SPATA2L: variants seen among roughly 807,000 people sequenced by gnomAD.
SPATA2L encodes the protein spermatogenesis-associated protein 2-like protein.
SPATA2L carries 5 observed loss-of-function variants against 8.7 expected under a neutral mutation model. The ratio of observed to expected loss-of-function variants is 0.57; its 90% confidence interval spans 0.30 to 1.21. The LOEUF (loss-of-function observed/expected upper bound fraction) is 1.21, where lower values mean the gene tolerates loss of function less well. Ranked by LOEUF, SPATA2L falls within the 50% of genes most tolerant of loss-of-function variation. The pLI is 0.07. For synonymous variants in SPATA2L, 358 were observed against 275.8 expected, an observed-to-expected ratio of 1.30 and a Z score of -2.95; for missense variants, 671 against 591.0, an observed-to-expected ratio of 1.14 and a Z score of -1.40.
At chr16:89,700,192 GC>G (rs1485650201) in intron 2 of SPATA2L, among the ~76,000 whole-genome samples, 3 of 152,312 alleles carry the variant, frequency 2.0e-5, no homozygotes, top group Non-Finnish European at 4.4e-5. Flanking sequence ...CCCCCGCCCC[GC>G]CCCCTGGGAG....
chr16:89,696,393 C>T lies in SPATA2L; in HGVS notation c.*941G>A, dbSNP rs371350963. The T allele has an allele frequency of 8.6e-6, 2 of 231,862 alleles. No homozygotes were observed. Among genetic ancestry groups the T allele is most frequent in the Non-Finnish European group, 8.5e-6 (1 of 118,230 alleles). 14.4% of individuals were successfully genotyped at this position (231,862 alleles called of 1,614,324 possible). Reference sequence around the variant, plus strand: ...GCGTTTAATGTGCTCTGATGTTGACCGTCCCTCTGAGTGTTCTGGGGAGGA... The same window carrying T: ...GCGTTTAATGTGCTCTGATGTTGACTGTCCCTCTGAGTGTTCTGGGGAGGA... On this transcript the variant is annotated 3_prime_UTR_variant, in exon 3 of 3. Transcript: ENST00000289805.
Position 89,697,357 on chromosome 16 carries a change from T to C in SPATA2L, c.1252A>G (p.Asn418Asp). 1 of 1,537,310 alleles carries C rather than the reference T, an allele frequency of 6.5e-7. No homozygotes were observed. Among genetic ancestry groups the C allele is most frequent in the Non-Finnish European group, 8.8e-7 (1 of 1,139,984 alleles). Residue 418 changes from asparagine (N) to aspartate (D), a missense_variant, in exon 3 of 3, where the codon AAC becomes GAC. By Grantham distance (23) the Asn-to-Asp change is conservative. Coordinates refer to ENST00000289805, the MANE Select transcript of SPATA2L (RefSeq NM_152339.4). ...QRAQMDTLLY[N>D]SPGARP is the part of the protein sequence containing the mutation. ...GCCTAGGGCCGGGCCCCGGGGCTGTTGTAGAGCAGAGTGTCCATCTGTGCA... is the reference window on the plus strand; with the variant it reads ...GCCTAGGGCCGGGCCCCGGGGCTGTCGTAGAGCAGAGTGTCCATCTGTGCA...
At chr16:89,699,970 G>T (rs1404513927) in intron 2 of SPATA2L, among the ~76,000 whole-genome samples, 3 of 152,226 alleles carry the variant, frequency 2.0e-5, no homozygotes, top group Admixed American at 2.0e-4. Flanking sequence ...CTAATGCCTG[G>T]ACACGGCCCA....
Position 89,697,544 on chromosome 16 carries a change from G to T in SPATA2L, c.1065C>A (p.Tyr355Ter). The change falls in exon 3 of 3, where the codon TAC (tyrosine) becomes TAA (stop). Residue 355 changes from tyrosine (Y) to a stop codon, truncating the protein, a stop_gained. Coordinates refer to ENST00000289805, the MANE Select transcript of SPATA2L (RefSeq NM_152339.4). LOFTEE classifies it low-confidence loss of function (END_TRUNC). The part of the protein sequence containing the change: ...AYRSVSEPPG[Y>*]QAHSCLSPGA... ...CAGGGGACAGGCAGCTGTGTGCCTG[G>T]TAGCCTGGGGGCTCCGAGACAGACC... is the stretch of plus-strand genomic sequence containing the variant. 1 of 1,591,988 alleles carries T rather than the reference G, an allele frequency of 6.3e-7. No individual in the cohort carries two copies. Among genetic ancestry groups the T allele is most frequent in the East Asian group, 2.2e-5 (1 of 44,522 alleles).
chr16:89,697,705 G>A lies in SPATA2L; in HGVS notation c.904C>T (p.Pro302Ser), dbSNP rs757182168. The A allele has an allele frequency of 1.9e-6, 3 of 1,612,024 alleles. No homozygotes were observed. The South Asian group carries it at 3.3e-5, about 18-fold the overall frequency. ...AGGAAGGAGAAGGCGGAAGGTTCAG[G>A]TTCCAGCCCCTCCTCCAAGGCCCCA... ...PYGALEEGLE[P>S]EPSAFSFLSL... The change falls in exon 3 of 3, where the codon CCT becomes TCT. Residue 302 changes from proline (P) to serine (S), a missense_variant. By Grantham distance (74) the Pro-to-Ser change is moderately conservative. Coordinates refer to ENST00000289805, the MANE Select transcript of SPATA2L (RefSeq NM_152339.4).
chr16:89,698,995 C>T (rs963622834), intron 2 of SPATA2L, among the ~76,000 whole-genome samples: 3 of 151,782 alleles, frequency 2.0e-5, no homozygotes, highest in African/African-American at 4.8e-5. Context: ...ACCATGTTGA[C>T]CAGGAAGGTC....
rs935545041 is a variant in SPATA2L, at chr16:89,696,996, A to G, written c.*338T>C. 3 of 1,430,266 alleles carry G rather than the reference A, an allele frequency of 2.1e-6. No homozygotes were observed. The highest frequency in any genetic ancestry group is 2.8e-6 in the Non-Finnish European group (3 of 1,090,130). The allele number at this position is 1,430,266 out of a possible 1,614,324, so 88.6% of individuals were successfully genotyped here. ...TACTGCAGGGAGCAGGCCAGGAGCC[A>G]CGGGCCTTGGGGCACAGGGTCCTTC... On this transcript the variant is annotated 3_prime_UTR_variant, in exon 3 of 3. Coordinates refer to ENST00000289805, the MANE Select transcript of SPATA2L (RefSeq NM_152339.4).
chr16:89,701,160 C>G lies in SPATA2L; in HGVS notation c.73G>C (p.Val25Leu). The G allele has an allele frequency of 1.3e-6, 2 of 1,499,930 alleles. No individual in the cohort carries two copies. The highest frequency in any genetic ancestry group is 2.1e-5 in the Admixed American group (1 of 47,564). The allele number at this position is 1,499,930 out of a possible 1,614,324, so 92.9% of individuals were successfully genotyped here. A position where few individuals can be genotyped will look rare whatever the true frequency, so the allele number is the denominator to read the frequency against. The change falls in exon 2 of 3, where the codon GTG becomes CTG. Residue 25 changes from valine to leucine, a missense_variant. Physicochemically the swap from Val to Leu is conservative, Grantham distance 32 (BLOSUM62 1). Coordinates refer to ENST00000289805, the MANE Select transcript of SPATA2L (RefSeq NM_152339.4). ...GCGCGCAGCGAGGGGTCCCCGCACA[C>G]GCCCGCGCGGCCCCGTCGCAGCTCG... ...ERELRRGRAG[V>L]CGDPSLRAVL...
In SPATA2L at chr16:89,696,802, G is replaced by A. The variant is rs1035437661; in HGVS notation, c.*532C>T. 2.1e-5 allele frequency: 32 copies of A among 1,534,166 alleles called. 1 individual carries two copies. Among genetic ancestry groups the A allele is most frequent in the South Asian group, 6.0e-5 (5 of 83,710 alleles). On this transcript the variant is annotated 3_prime_UTR_variant, in exon 3 of 3. Coordinates refer to ENST00000289805, the MANE Select transcript of SPATA2L (RefSeq NM_152339.4). ...TGCTGTGACACCCAAGGGGAGGGCC[G>A]GCGTCCCCGAAGCCAGGTCAGCCGT...
rs952982305 is a variant in SPATA2L at position 89,701,188 on chromosome 16, C to G, written c.45G>C (p.Glu15Asp). 6.8e-7 allele frequency: 1 copy of G among 1,478,622 alleles called. No homozygotes were observed. Among genetic ancestry groups the G allele is most frequent in the East Asian group, 2.7e-5 (1 of 36,586 alleles). 91.6% of individuals were successfully genotyped at this position (1,478,622 alleles called of 1,614,324 possible). A position where few individuals can be genotyped will look rare whatever the true frequency, so the allele number is the denominator to read the frequency against. ...CCGCGCGGCCCCGTCGCAGCTCGCG[C>G]TCCAGGCACTGGCGGTAGTCCTCGG... ...SLSEDYRQCL[E>D]RELRRGRAGV... is the part of the protein sequence containing the mutation. Residue 15 changes from glutamate to aspartate, a missense_variant, in exon 2 of 3, where the codon GAG becomes GAC. Glu to Asp is a conservative substitution (Grantham distance 45). Transcript: ENST00000289805.
Position 89,701,243 on chromosome 16 carries a change from A to AC in SPATA2L, c.-1-11dup, listed in dbSNP as rs2060774054. 1.4e-6 allele frequency: 2 copies of AC among 1,403,164 alleles called. No homozygotes were observed. The highest frequency in any genetic ancestry group is 1.9e-6 in the Non-Finnish European group (2 of 1,080,130). 86.9% of individuals were successfully genotyped at this position (1,403,164 alleles called of 1,614,324 possible). On this transcript the variant is annotated splice_polypyrimidine_tract_variant and intron_variant, in intron 1 of 2. Transcript: ENST00000289805. ...CGAGCTGCTGCCCATCCTGCGGCGG[A>AC]CGGGGGTCGGGGGGGTCAGGGACCT...
chr16:89,698,063 C>T lies in SPATA2L; in HGVS notation c.546G>A (p.Leu182=), dbSNP rs778405089. 18 of 1,598,370 alleles carry T rather than the reference C, an allele frequency of 1.1e-5. No homozygotes were observed. The highest frequency in any genetic ancestry group is 1.7e-4 in the Middle Eastern group (1 of 6,058). ...CCCCGCTGGCACGCCGTGCCTGCAG[C>T]AGCTCCTCAGCTGGCAGCACACTGG... ...LGTSVLPAEE[L]LQARRASGDV... The change falls in exon 3 of 3, where the codon CTG becomes CTA. Residue 182 remains leucine (L), a synonymous_variant. Coordinates refer to ENST00000289805, the MANE Select transcript of SPATA2L (RefSeq NM_152339.4).
chr16:89,701,150 TC>T lies in SPATA2L; in HGVS notation c.82del (p.Asp28ThrfsTer84). 1 of 1,514,900 alleles carries T rather than the reference TC, an allele frequency of 6.6e-7. No homozygotes were observed. Among genetic ancestry groups the T allele is most frequent in the African/African-American group, 1.4e-5 (1 of 69,936 alleles). 93.8% of individuals were successfully genotyped at this position (1,514,900 alleles called of 1,614,324 possible). ...CCAGAGCACCGCGCGCAGCGAGGGG[TC>T]CCCGCACACGCCCGCGCGGCCCCGT... ...LRRGRAGVCG[D>X]PSLRAVLWQI... On this transcript the variant is annotated frameshift_variant, in exon 2 of 3. Transcript: ENST00000289805. LOFTEE classifies it high-confidence loss of function.
At position 89,697,465 on chromosome 16, in the gene SPATA2L, A is replaced by G. The variant is rs1488333273; in HGVS notation, c.1144T>C (p.Cys382Arg). The change falls in exon 3 of 3, where the codon TGT (cysteine) becomes CGT (arginine). Residue 382 changes from cysteine (C) to arginine (R), a missense_variant. Cys to Arg is a radical substitution (Grantham distance 180). Transcript: ENST00000289805. ...GGACGGCAGGCGGGCAGGGCTGCAC[A>G]GTGGGCAGCATGCAGCTGGCGACAG... ...DTCRQLHAAH[C>R]AALPACRPGH... 6.2e-7 allele frequency: 1 copy of G among 1,604,552 alleles called. No homozygotes were observed. The highest frequency in any genetic ancestry group is 8.5e-7 in the Non-Finnish European group (1 of 1,176,240).
At position 89,697,543 on chromosome 16, in the gene SPATA2L, G is replaced by C. The variant is rs375411863; in HGVS notation, c.1066C>G (p.Gln356Glu). ...CCAGGGGACAGGCAGCTGTGTGCCT[G>C]GTAGCCTGGGGGCTCCGAGACAGAC... is the stretch of plus-strand genomic sequence containing the variant. ...YRSVSEPPGY[Q>E]AHSCLSPGAL... The change falls in exon 3 of 3, where the codon CAG (glutamine) becomes GAG (glutamate). Residue 356 changes from glutamine to glutamate, a missense_variant. Physicochemically the swap from Gln to Glu is conservative, Grantham distance 29 (BLOSUM62 2). Transcript: ENST00000289805. 7 of 1,590,638 alleles carry C rather than the reference G, an allele frequency of 4.4e-6. No homozygotes were observed. The highest frequency in any genetic ancestry group is 6.0e-6 in the Non-Finnish European group (7 of 1,169,386).
Position 89,696,682 on chromosome 16 carries a change from G to T in SPATA2L, c.*652C>A. The T allele has an allele frequency of 1.7e-6, 2 of 1,180,562 alleles. No homozygotes were observed. The highest frequency in any genetic ancestry group is 2.4e-6 in the Non-Finnish European group (2 of 847,644). The allele number at this position is 1,180,562 out of a possible 1,614,324, so 73.1% of individuals were successfully genotyped here. ...CCGCCCAGCAGCAGTGACGCTCAGG[G>T]CCTTCCCAGCTGTCAGCCACTGCCC... On this transcript the variant is annotated 3_prime_UTR_variant, in exon 3 of 3. Coordinates refer to ENST00000289805, the MANE Select transcript of SPATA2L (RefSeq NM_152339.4).
chr16:89,701,582 T>G, intron 1 of SPATA2L, 46 bp downstream of exon 1: 1 of 253,100 alleles, frequency 4.0e-6, no homozygotes. Context: ...CCAGAGCCCC[T>G]TCGCCCGGCA....
chr16:89,697,682 G>A lies in SPATA2L; in HGVS notation c.927C>T (p.Phe309=), dbSNP rs776947590. The A allele has an allele frequency of 3.5e-5, 56 of 1,611,914 alleles. No individual in the cohort carries two copies. The highest frequency in any genetic ancestry group is 4.5e-5 in the Non-Finnish European group (53 of 1,179,786). The change falls in exon 3 of 3, where the codon TTC becomes TTT. Residue 309 remains phenylalanine, a synonymous_variant. Coordinates refer to ENST00000289805, the MANE Select transcript of SPATA2L (RefSeq NM_152339.4). ...TACTCAGCTCACGGCGCAGAGAGAG[G>A]AAGGAGAAGGCGGAAGGTTCAGGTT... is the stretch of plus-strand genomic sequence containing the variant. ...GLEPEPSAFS[F]LSLRRELSRP...
chr16:89,696,958 GCCCCGTA>G lies in SPATA2L; in HGVS notation c.*369_*375del. The G allele has an allele frequency of 1.3e-6, 2 of 1,494,566 alleles. No homozygotes were observed. Among genetic ancestry groups the G allele is most frequent in the Non-Finnish European group, 1.8e-6 (2 of 1,120,842 alleles). The allele number at this position is 1,494,566 out of a possible 1,614,324, so 92.6% of individuals were successfully genotyped here. A position where few individuals can be genotyped will look rare whatever the true frequency, so the allele number is the denominator to read the frequency against. The stretch of plus-strand genomic sequence containing the variant: ...CACGTGGAGGACCCCCAAGTCCTGA[GCCCCGTA>G]CTCCGTACTGCAGGGAGCAGGCCAG... On this transcript the variant is annotated 3_prime_UTR_variant, in exon 3 of 3. Coordinates refer to ENST00000289805, the MANE Select transcript of SPATA2L (RefSeq NM_152339.4).
Sources: allele counts gnomAD v4.1 joint callset (sites outside exome capture counted in the v4.1 genomes callset), GRCh38; gene constraint gnomAD v4.1.1; transcripts MANE v1.5; gene names NCBI Gene and HGNC (gene_info 2026-07-23, HGNC 2026-07-21).